The following PSG2 variants were observed in gnomAD, a reference collection of about 807,000 sequenced individuals.
PSG2 encodes pregnancy specific beta-1-glycoprotein 2, also known as pregnancy-specific beta-1-glycoprotein 2.
In PSG2, 49 loss-of-function variants were observed where a neutral mutation model predicts 36.2. The observed-to-expected ratio is 1.35, with a 90% CI of 1.08 to 1.72. The LOEUF is 1.72. Ranked by LOEUF, PSG2 falls within the 40% of genes most tolerant of loss-of-function variation. PSG2 has a pLI of 0.00. For missense variants in PSG2, 605 were observed against 407.2 expected (o/e 1.49, Z -4.18); for synonymous variants, 261 against 155.6 (o/e 1.68, Z -5.04).
At chr19:43,067,911 A>C (rs1451884114) in intron 4 of PSG2, among the ~76,000 whole-genome samples, 1 of 151,392 alleles carries the variant, frequency 6.6e-6, no homozygotes, top group South Asian at 2.1e-4. Context: ...CAGATCAACA[A>C]CCTACTTTAA....
intron 3 of PSG2, chr19:43,072,353 A>G: frequency 6.2e-7 from 1 of 1,612,538 alleles, no homozygotes; most frequent in South Asian, 1.1e-5. Flanking sequence ...AAAGATACAG[A>G]GGACATTCAG....
intron 4 of PSG2, among the ~76,000 whole-genome samples, chr19:43,068,579 G>A (rs1976908722): frequency 1.3e-5 from 2 of 151,340 alleles, no homozygotes; most frequent in African/African-American, 2.4e-5. Context: ...GGATAACCTA[G>A]ATGAAATAGA....
intron 1 of PSG2, chr19:43,082,122 C>CTCTTTTTTTTTTTTTT (rs1967987456): frequency 1.5e-5 from 1 of 67,940 alleles, no homozygotes; most frequent in Non-Finnish European, 2.7e-5. Flanking sequence ...TTTCTTCTCT[C>CTCTTTTTTTTTTTTTT]TTTTTTTTTT....
chr19:43,072,646 G>C lies in PSG2; in HGVS notation c.710-692C>G, dbSNP rs544160534. ...GCAGCTTCGCTGTGTGGATAACAGAGAGAAGATTGTCCTGTGTGGCACTTT... is the reference window on the plus strand; with the variant it reads ...GCAGCTTCGCTGTGTGGATAACAGACAGAAGATTGTCCTGTGTGGCACTTT... On this transcript the variant is annotated intron_variant, in intron 3 of 5. Transcript: ENST00000406487. The C allele has an allele frequency of 7.5e-6, 12 of 1,610,214 alleles. 1 individual carries two copies. In the African/African-American group the frequency reaches 1.6e-4, roughly 22 times the overall value.
chr19:43,070,172 C>T (rs1360597462), intron 4 of PSG2, among the ~76,000 whole-genome samples: 1 of 151,472 alleles, frequency 6.6e-6, no homozygotes, highest in African/African-American at 2.4e-5. Context: ...CTTTGATAAA[C>T]AACAACAATG....
chr19:43,075,401 T>A lies in PSG2; in HGVS notation c.662A>T (p.Asn221Ile). The A allele has an allele frequency of 6.2e-7, 1 of 1,613,048 alleles. No homozygotes were observed. Among genetic ancestry groups the A allele is most frequent in the Non-Finnish European group, 8.5e-7 (1 of 1,179,614 alleles). Residue 221 changes from asparagine (N) to isoleucine (I), a missense_variant, in exon 3 of 6, where the codon AAC (asparagine) becomes ATC (isoleucine). Transcript: ENST00000406487. ...TAGPYECEIRNSGSASRSDPV... is the reference protein window; with the variant it reads ...TAGPYECEIRISGSASRSDPV... ...GTCACTGCGGCTGGCACTCCCTGAG[T>A]TCCGTATTTCACATTCATAGGGTCC... is the stretch of plus-strand genomic sequence containing the variant.
intron 1 of PSG2, among the ~76,000 whole-genome samples, chr19:43,081,555 G>GT (rs1967976173): frequency 6.7e-6 from 1 of 148,262 alleles, no homozygotes; most frequent in African/African-American, 2.5e-5. Context: ...GACCCCATCA[G>GT]GTCCTGCTCA....
intron 2 of PSG2, among the ~76,000 whole-genome samples, chr19:43,079,941 G>A (rs1394605456): frequency 6.6e-6 from 1 of 151,686 alleles, no homozygotes; most frequent in African/African-American, 2.4e-5. Flanking sequence ...TTCAGTGACT[G>A]TGCCTTCCTG....
At position 43,081,250 on chromosome 19, in the gene PSG2, G is replaced by C. The variant is rs1314406078; in HGVS notation, c.65-4C>G. The stretch of plus-strand genomic sequence containing the variant: ...TTCCAGAAGTTTAAAAGTGATGCTA[G>C]GAGGTGGAGAGAGCATCAGACAATA... On this transcript the variant is annotated splice_region_variant and splice_polypyrimidine_tract_variant and intron_variant, in intron 1 of 5. Coordinates refer to ENST00000406487, the MANE Select transcript of PSG2 (RefSeq NM_031246.4). The C allele has an allele frequency of 2.5e-6, 4 of 1,610,352 alleles. No homozygotes were observed. The highest frequency in any genetic ancestry group is 3.4e-6 in the Non-Finnish European group (4 of 1,178,580).
chr19:43,065,085 T>A (rs1392322548), intron 5 of PSG2, among the ~76,000 whole-genome samples: 2 of 151,754 alleles, frequency 1.3e-5, no homozygotes, highest in Non-Finnish European at 2.9e-5. Flanking sequence ...TCTACCCACC[T>A]CGGCCTCCCA....
chr19:43,076,435 A>T (rs1203345230), intron 2 of PSG2, among the ~76,000 whole-genome samples: 1 of 151,776 alleles, frequency 6.6e-6, no homozygotes, highest in African/African-American at 2.4e-5. Context: ...ATACATGTGG[A>T]TGTTTGCAAA....
At position 43,077,200 on chromosome 19, in the gene PSG2, G is replaced by A. The variant is rs530129909; in HGVS notation, c.431-1568C>T. ...GACCAAAATAAGGTTTAGGTGTGCC[G>A]TGAATTCCAGCAGGATCACATTATG... On this transcript the variant is annotated intron_variant, in intron 2 of 5. Coordinates refer to ENST00000406487, the MANE Select transcript of PSG2 (RefSeq NM_031246.4). Among the ~76,000 whole-genome samples, 44 of 151,648 alleles carry A rather than the reference G, an allele frequency of 2.9e-4. No homozygotes were observed. In the East Asian group the frequency reaches 3.5e-3, roughly 12 times the overall value.
intron 1 of PSG2, among the ~76,000 whole-genome samples, chr19:43,081,532 C>A (rs1398057991): frequency 6.6e-6 from 1 of 150,690 alleles, no homozygotes; most frequent in Non-Finnish European, 1.5e-5. Context: ...TCCTCTTCCC[C>A]AGGGGTCCGC....
intron 3 of PSG2, 32 bp downstream of exon 3, chr19:43,075,322 G>A: frequency 6.2e-7 from 1 of 1,613,178 alleles, no homozygotes; most frequent in Admixed American, 1.7e-5. Context: ...TGGGATGGCA[G>A]TCTGGCCCAC....
Position 43,066,574 on chromosome 19 carries a change from G to A in PSG2, c.991C>T (p.Leu331Phe), listed in dbSNP as rs1058470. The change falls in exon 5 of 6, where the codon CTC becomes TTC. Residue 331 changes from leucine (L) to phenylalanine (F), a missense_variant. Transcript: ENST00000406487. ...CACAGCTGCTATGTTGGATTAAGGA[G>A]AGGAAGAAGTCCTATTCTTGTAGAA... ...SASTRIGLLP[L>F]LNPT The A allele has an allele frequency of 6.2e-7, 1 of 1,602,100 alleles. No homozygotes were observed. Among genetic ancestry groups the A allele is most frequent in the Non-Finnish European group, 8.5e-7 (1 of 1,169,794 alleles).
chr19:43,080,809 G>A, intron 2 of PSG2, 72 bp downstream of exon 2: 1 of 1,611,804 alleles, frequency 6.2e-7, no homozygotes, highest in South Asian at 1.1e-5. Flanking sequence ...GTCTAGGCCT[G>A]ACAATCCTGT....
intron 3 of PSG2, chr19:43,072,330 C>T: frequency 1.9e-6 from 3 of 1,611,044 alleles, no homozygotes; most frequent in Non-Finnish European, 2.5e-6. Context: ...GTGGCCTGGC[C>T]CACAGAGGAA....
intron 5 of PSG2, 130 bp downstream of exon 5, chr19:43,066,387 G>A (rs956782775): frequency 1.4e-6 from 1 of 725,210 alleles, no homozygotes; most frequent in Non-Finnish European, 2.5e-6. Context: ...AGGAATTAGT[G>A]CTGAGAAGCA....
At chr19:43,076,988 G>C (rs570076496) in intron 2 of PSG2, among the ~76,000 whole-genome samples, 23 of 151,554 alleles carry the variant, frequency 1.5e-4, no homozygotes, top group South Asian at 6.3e-4. Flanking sequence ...TTCTGGATTT[G>C]GGATGCTCAA....
Sources: allele counts gnomAD v4.1 joint callset (sites outside exome capture counted in the v4.1 genomes callset), GRCh38; gene constraint gnomAD v4.1.1; transcripts MANE v1.5; gene names NCBI Gene and HGNC (gene_info 2026-07-23, HGNC 2026-07-21).